Variants in HACE1 observed in about 807,000 individuals in gnomAD.
The protein encoded by HACE1 is HECT domain and ankyrin repeat containing E3 ubiquitin protein ligase 1.
A neutral mutation model predicts 118.4 loss-of-function variants in HACE1; 73 were observed. The ratio of observed to expected loss-of-function variants is 0.62; its 90% CI spans 0.51 to 0.75. HACE1 has a LOEUF of 0.75. Among genes scored for constraint, HACE1 ranks in the 30% least tolerant of loss-of-function variants. The probability of loss-of-function intolerance (pLI) is 0.00; values close to 1 mark genes in which losing one functional copy is unlikely to be tolerated. For missense variants in HACE1, 749 were observed against 1,102.2 expected, an observed-to-expected ratio of 0.68 and a Z score of 4.54; for synonymous variants, 368 against 374.8, an observed-to-expected ratio of 0.98 and a Z score of 0.21.
chr6:104,838,078 G>C (rs930184821), intron 5 of HACE1, among the ~76,000 whole-genome samples: 2 of 151,948 alleles, frequency 1.3e-5, no homozygotes, highest in African/African-American at 4.8e-5. Flanking sequence ...ACACAAAATG[G>C]AAAAATATTC....
At chr6:104,774,358 G>A (rs1167418057) in intron 17 of HACE1, among the ~76,000 whole-genome samples, 1 of 96,224 alleles carries the variant, frequency 1.0e-5, no homozygotes, top group East Asian at 2.1e-4. Context: ...CCAAAGTGCT[G>A]GGATTACAGG....
intron 10 of HACE1, among the ~76,000 whole-genome samples, chr6:104,794,582 G>C (rs1011570800): frequency 6.6e-6 from 1 of 152,210 alleles, no homozygotes; most frequent in Non-Finnish European, 1.5e-5. Flanking sequence ...TCACCTCACA[G>C]ATGGCCTAAT....
At chr6:104,759,003 T>C (rs949562246) in intron 19 of HACE1, among the ~76,000 whole-genome samples, 7 of 152,104 alleles carry the variant, frequency 4.6e-5, no homozygotes, top group Non-Finnish European at 1.0e-4. Context: ...AAGAGCTAAA[T>C]GACCTAAATA....
rs1777933618 is a variant in HACE1, at chr6:104,750,556, G to A, written c.2212-84C>T. Reference sequence around the variant, plus strand: ...AATATAATTATTTCTTATTTAAGAGGTAAAGGTTTAAAATAAAATTGACAC... The same window carrying A: ...AATATAATTATTTCTTATTTAAGAGATAAAGGTTTAAAATAAAATTGACAC... On this transcript the variant is annotated intron_variant, in intron 19 of 23. Transcript: ENST00000262903. The A allele has an allele frequency of 3.2e-6, 4 of 1,267,826 alleles. No homozygotes were observed. In the East Asian group the frequency reaches 7.7e-5, roughly 25 times the overall value. 78.5% of individuals were successfully genotyped at this position (1,267,826 alleles called of 1,614,324 possible). A position where few individuals can be genotyped will look rare whatever the true frequency, so the allele number is the denominator to read the frequency against.
chr6:104,788,342 T>A (rs1178159160), intron 11 of HACE1, among the ~76,000 whole-genome samples: 2 of 152,150 alleles, frequency 1.3e-5, no homozygotes, highest in African/African-American at 2.4e-5. Context: ...AATTATATTC[T>A]ACATATAGTA....
chr6:104,739,090 A>G (rs564473912), intron 22 of HACE1, among the ~76,000 whole-genome samples: 1 of 152,016 alleles, frequency 6.6e-6, no homozygotes, highest in African/African-American at 2.4e-5. Context: ...CGAAGGAGAA[A>G]TAAAATACTT....
chr6:104,795,708 A>T, intron 9 of HACE1, 23 bp from the exon 10 acceptor site: 1 of 1,398,438 alleles, frequency 7.2e-7, no homozygotes, highest in Non-Finnish European at 1.0e-6. Context: ...CAAATAAAAA[A>T]ATGTGATTAC....
At chr6:104,738,809 T>C (rs906775981) in intron 22 of HACE1, among the ~76,000 whole-genome samples, 3 of 147,168 alleles carry the variant, frequency 2.0e-5, no homozygotes, top group Non-Finnish European at 4.4e-5. Flanking sequence ...ATTCAGGAAA[T>C]ACAGAGAATG....
chr6:104,828,339 T>C (rs1311289193), intron 6 of HACE1, among the ~76,000 whole-genome samples: 3 of 152,044 alleles, frequency 2.0e-5, no homozygotes, highest in Non-Finnish European at 4.4e-5. Context: ...ATAACAATCA[T>C]AATAGCAGTA....
intron 10 of HACE1, among the ~76,000 whole-genome samples, chr6:104,792,687 T>C (rs1048653589): frequency 6.6e-6 from 1 of 152,166 alleles, no homozygotes; most frequent in African/African-American, 2.4e-5. Flanking sequence ...CAGCCAACTG[T>C]TCTCATAAAT....
chr6:104,792,942 G>A (rs539726937), intron 10 of HACE1, among the ~76,000 whole-genome samples: 58 of 152,184 alleles, frequency 3.8e-4, no homozygotes, highest in African/African-American at 1.3e-3. Context: ...TTAGAAGCAC[G>A]GAGCTCTCTT....
intron 14 of HACE1, among the ~76,000 whole-genome samples, chr6:104,779,273 G>T (rs1168171867): frequency 6.6e-6 from 1 of 152,088 alleles, no homozygotes; most frequent in African/African-American, 2.4e-5. Context: ...CCACAAAAAG[G>T]TTATCTTCCA....
intron 3 of HACE1, among the ~76,000 whole-genome samples, 179 bp from the exon 4 acceptor site, chr6:104,849,425 C>T (rs1450932170): frequency 1.3e-5 from 2 of 152,158 alleles, no homozygotes; most frequent in Non-Finnish European, 2.9e-5. Context: ...TAGCCTTGAC[C>T]TCCTGGGCTC....
rs900654541 is a variant in HACE1 at position 104,820,403 on chromosome 6, A to C, written c.535-9010T>G. Among the ~76,000 whole-genome samples the C allele has an allele frequency of 1.1e-4, 17 of 152,248 alleles. 1 individual carries two copies. Among genetic ancestry groups the C allele is most frequent in the African/African-American group, 4.1e-4 (17 of 41,554 alleles). ...AAAAACTATCATCAGAATGAACAGA[A>C]AACCTACAGAACAAGAGAAAATTTT... On this transcript the variant is annotated intron_variant, in intron 6 of 23. Coordinates refer to ENST00000262903, the MANE Select transcript of HACE1 (RefSeq NM_020771.4).
At chr6:104,735,419 T>G (rs1185485532) in intron 22 of HACE1, among the ~76,000 whole-genome samples, 1 of 151,918 alleles carries the variant, frequency 6.6e-6, no homozygotes, top group East Asian at 1.9e-4. Context: ...GATCACAAGG[T>G]CAGGAGATCG....
chr6:104,743,139 A>C (rs1776982498), intron 22 of HACE1, among the ~76,000 whole-genome samples: 1 of 131,808 alleles, frequency 7.6e-6, no homozygotes, highest in African/African-American at 2.8e-5. Context: ...AGGAAGGGGA[A>C]TATCACACTC....
At chr6:104,794,129 AT>A (rs149154223) in intron 10 of HACE1, among the ~76,000 whole-genome samples, 1 of 152,112 alleles carries the variant, frequency 6.6e-6, no homozygotes. Flanking sequence ...TTTAACTTCA[AT>A]TTTTTTACAT....
chr6:104,771,330 G>A lies in HACE1; in HGVS notation c.2074C>T (p.Gln692Ter), dbSNP rs1391624392. 6.2e-7 allele frequency: 1 copy of A among 1,612,328 alleles called. No individual in the cohort carries two copies. The change falls in exon 19 of 24, where the codon CAA (glutamine) becomes TAA (stop). Residue 692 changes from glutamine to a stop codon, truncating the protein, a stop_gained. Coordinates refer to ENST00000262903, the MANE Select transcript of HACE1 (RefSeq NM_020771.4). LOFTEE classifies it high-confidence loss of function. ...SIDPEYAKNL[Q>*]WILDNDISDL... Reference sequence around the variant, plus strand: ...CTTATATCATTATCTAAAATCCATTGCAAATTTTTCGCATATTCTGGATCA... The same window carrying A: ...CTTATATCATTATCTAAAATCCATTACAAATTTTTCGCATATTCTGGATCA...
At position 104,813,432 on chromosome 6, in the gene HACE1, C is replaced by T. The variant is rs539974155; in HGVS notation, c.535-2039G>A. Among the ~76,000 whole-genome samples the T allele has an allele frequency of 2.9e-5, 4 of 138,136 alleles. 1 individual carries two copies. In the South Asian group the frequency reaches 8.9e-4, roughly 31 times the overall value. 90.6% of individuals were successfully genotyped at this position (138,136 alleles called of 152,430 possible). ...AAAAATTAAAAATAAAGAAACAGCC[C>T]AATTCGGGACAATGGGTCTATAGCA... On this transcript the variant is annotated intron_variant, in intron 6 of 23. Coordinates refer to ENST00000262903, the MANE Select transcript of HACE1 (RefSeq NM_020771.4).
Sources: gnomAD v4.1 joint callset for allele counts (sites outside exome capture counted in the v4.1 genomes callset) on GRCh38, gnomAD v4.1.1 for gene constraint, MANE v1.5 for transcripts, NCBI Gene and HGNC (gene_info 2026-07-23, HGNC 2026-07-21) for gene names.